The following GABRG2 variants were observed in gnomAD, a reference collection of about 807,000 sequenced individuals.
GABRG2 encodes the protein gamma-aminobutyric acid receptor subunit gamma-2.
In GABRG2, 16 loss-of-function variants were observed where a neutral mutation model predicts 56.4. The observed-to-expected ratio is 0.28, with a 90% CI of 0.19 to 0.43. GABRG2 has a LOEUF of 0.43. Ranked by LOEUF, GABRG2 falls within the 20% of genes least tolerant of loss-of-function variation. The pLI is 1.00. For synonymous variants in GABRG2, 208 were observed against 205.5 expected, an observed-to-expected ratio of 1.01 and a Z score of -0.10; for missense variants, 327 against 582.7, an observed-to-expected ratio of 0.56 and a Z score of 4.52.
At chr5:162,079,992 T>G (rs990756703) in intron 1 of GABRG2, among the ~76,000 whole-genome samples, 15 of 152,166 alleles carry the variant, frequency 9.9e-5, no homozygotes, top group African/African-American at 3.6e-4. Flanking sequence ...CTGTTCATTT[T>G]TCCCCTGAAA....
chr5:162,144,443 G>A (rs1022527260), intron 7 of GABRG2, among the ~76,000 whole-genome samples: 6 of 152,188 alleles, frequency 3.9e-5, no homozygotes, highest in Non-Finnish European at 8.8e-5. Flanking sequence ...GGTGGAAGAA[G>A]GGATCAAAGT....
At position 162,093,852 on chromosome 5, in the gene GABRG2, T is replaced by A; in HGVS notation, c.132T>A (p.Asp44Glu). 1.2e-5 allele frequency: 20 copies of A among 1,613,192 alleles called. No individual in the cohort carries two copies. Among genetic ancestry groups the A allele is most frequent in the Non-Finnish European group, 1.7e-5 (20 of 1,179,440 alleles). The stretch of plus-strand genomic sequence containing the variant: ...GCTTCACTAGCCAGAAATCTGATGA[T>A]GACTATGAAGATTATGCTTCTAACA... Reference protein sequence around the residue: ...YPGFTSQKSDDDYEDYASNKT... With the variant: ...YPGFTSQKSDEDYEDYASNKT... The change falls in exon 2 of 10, where the codon GAT (aspartate) becomes GAA (glutamate). Residue 44 changes from aspartate (D) to glutamate (E), a missense_variant. Physicochemically the swap from Asp to Glu is conservative, Grantham distance 45. Around this residue, in one of 4 missense-constraint regions of GABRG2, gnomAD observed 73 missense variants for 72.2 expected, o/e 1.01. Coordinates refer to ENST00000639213, the MANE Select transcript of GABRG2 (RefSeq NM_198904.4).
In GABRG2 at chr5:162,153,753, G is replaced by T. The variant is rs185169107; in HGVS notation, c.*385G>T. On this transcript the variant is annotated 3_prime_UTR_variant, in exon 10 of 10. Transcript: ENST00000639213. Reference sequence around the variant, plus strand: ...CAAAACTGTACCCTATGTTCACTCCGGGTCAAGTTGTGATAAATTTGATCC... The same window carrying T: ...CAAAACTGTACCCTATGTTCACTCCTGGTCAAGTTGTGATAAATTTGATCC... The T allele has an allele frequency of 8.5e-6, 2 of 235,440 alleles. No individual in the cohort carries two copies. Among genetic ancestry groups the T allele is most frequent in the East Asian group, 1.0e-4 (1 of 9,980 alleles). The allele number at this position is 235,440 out of a possible 1,614,324, so 14.6% of individuals were successfully genotyped here.
chr5:162,108,103 C>G (rs1270827803), intron 6 of GABRG2, among the ~76,000 whole-genome samples: 3 of 152,184 alleles, frequency 2.0e-5, no homozygotes, highest in Admixed American at 6.5e-5. Flanking sequence ...CAGATGGTAT[C>G]ACTGCAGATG....
At chr5:162,134,281 T>C (rs1379305760) in intron 6 of GABRG2, among the ~76,000 whole-genome samples, 1 of 152,124 alleles carries the variant, frequency 6.6e-6, no homozygotes, top group Non-Finnish European at 1.5e-5. Context: ...GAGGATAGAA[T>C]TGGTTGGTAT....
chr5:162,073,104 A>G (rs1238282756), intron 1 of GABRG2, among the ~76,000 whole-genome samples: 1 of 151,936 alleles, frequency 6.6e-6, no homozygotes, highest in Non-Finnish European at 1.5e-5. Flanking sequence ...TACAACAGAT[A>G]CTTTACATCC....
intron 4 of GABRG2, chr5:162,100,167 T>C (rs1255611590): frequency 2.0e-5 from 3 of 152,094 alleles, no homozygotes; most frequent in African/African-American, 4.8e-5. Context: ...ACTTATTAAA[T>C]GAGGAAGCAA....
chr5:162,124,239 T>C (rs920719633), intron 6 of GABRG2, among the ~76,000 whole-genome samples: 6 of 151,920 alleles, frequency 3.9e-5, no homozygotes, highest in Non-Finnish European at 5.9e-5. Context: ...AAGAGTCCAA[T>C]TGGCAACACC....
chr5:162,132,027 G>A (rs1405601859), intron 6 of GABRG2, among the ~76,000 whole-genome samples: 1 of 151,602 alleles, frequency 6.6e-6, no homozygotes, highest in Non-Finnish European at 1.5e-5. Context: ...AAAAATGGTG[G>A]TAATTACAAC....
At position 162,111,514 on chromosome 5, in the gene GABRG2, G is replaced by A. The variant is rs561350240; in HGVS notation, c.769+7488G>A. Among the ~76,000 whole-genome samples the A allele has an allele frequency of 1.9e-3, 290 of 152,186 alleles. 2 individuals carry two copies. The highest frequency in any genetic ancestry group is 6.8e-3 in the African/African-American group (282 of 41,552). On this transcript the variant is annotated intron_variant, in intron 6 of 9. Transcript: ENST00000639213. Reference sequence around the variant, plus strand: ...ATGTCATTTCTGCTTATGTTCCATTGGCGAGAACTAGTTGCATATTCCCAT... The same window carrying A: ...ATGTCATTTCTGCTTATGTTCCATTAGCGAGAACTAGTTGCATATTCCCAT...
At chr5:162,133,040 G>A (rs537256810) in intron 6 of GABRG2, among the ~76,000 whole-genome samples, 5 of 151,922 alleles carry the variant, frequency 3.3e-5, no homozygotes, top group Non-Finnish European at 7.4e-5. Flanking sequence ...GTGGGTGACT[G>A]TAATAGTGTA....
chr5:162,127,316 T>A (rs1035899003), intron 6 of GABRG2, among the ~76,000 whole-genome samples: 1 of 151,932 alleles, frequency 6.6e-6, no homozygotes, highest in Admixed American at 6.6e-5. Context: ...TTCCCCAAAA[T>A]TAAAAGTATG....
chr5:162,155,259 A>G lies in GABRG2; in HGVS notation c.*1891A>G, dbSNP rs949068324. 3.9e-5 allele frequency: 6 copies of G among 152,504 alleles called. No individual in the cohort carries two copies. The highest frequency in any genetic ancestry group is 6.6e-5 in the Admixed American group (1 of 15,232). 9.4% of individuals were successfully genotyped at this position (152,504 alleles called of 1,614,324 possible). A position where few individuals can be genotyped will look rare whatever the true frequency, so the allele number is the denominator to read the frequency against. ...ATTATTTTCTTGTTTTGAATTGTCAATATATTAAATGTTGACTCTTTGGGA... is the reference window on the plus strand; with the variant it reads ...ATTATTTTCTTGTTTTGAATTGTCAGTATATTAAATGTTGACTCTTTGGGA... On this transcript the variant is annotated 3_prime_UTR_variant, in exon 10 of 10. Coordinates refer to ENST00000639213, the MANE Select transcript of GABRG2 (RefSeq NM_198904.4).
chr5:162,087,876 C>A (rs1353771479), intron 1 of GABRG2, among the ~76,000 whole-genome samples: 1 of 152,064 alleles, frequency 6.6e-6, no homozygotes. Context: ...AACTAAGTGT[C>A]TGTTAATTGA....
chr5:162,106,842 T>C (rs1413168865), intron 6 of GABRG2, among the ~76,000 whole-genome samples: 1 of 152,154 alleles, frequency 6.6e-6, no homozygotes, highest in Non-Finnish European at 1.5e-5. Flanking sequence ...GCGTAATGAA[T>C]TTTATTATTT....
intron 1 of GABRG2, among the ~76,000 whole-genome samples, chr5:162,078,827 G>T (rs888342239): frequency 6.6e-6 from 1 of 151,820 alleles, no homozygotes; most frequent in African/African-American, 2.4e-5. Context: ...AAAAAGTGAG[G>T]TCATACATGG....
chr5:162,112,551 A>G (rs1440123633), intron 6 of GABRG2, among the ~76,000 whole-genome samples: 1 of 152,196 alleles, frequency 6.6e-6, no homozygotes, highest in African/African-American at 2.4e-5. Flanking sequence ...TTGCAGTTTC[A>G]GAAAATAATG....
intron 6 of GABRG2, among the ~76,000 whole-genome samples, chr5:162,104,762 A>ATTTAT (rs10644742): frequency 0.59 from 89,449 of 151,448 alleles, 26,615 homozygotes; most frequent in African/African-American, 0.66. Context: ...AGGAATTGAG[A>ATTTAT]TTTAAGACAA....
intron 6 of GABRG2, among the ~76,000 whole-genome samples, chr5:162,127,242 T>G (rs1327728005): frequency 6.6e-6 from 1 of 151,944 alleles, no homozygotes; most frequent in African/African-American, 2.4e-5. Context: ...ATAAATGTAG[T>G]TTTTTTCATG....
Sources: gnomAD v4.1 joint callset for allele counts (sites outside exome capture counted in the v4.1 genomes callset) on GRCh38, gnomAD v4.1.1 for gene constraint, gnomAD v4.1.1 regional missense constraint, MANE v1.5 for transcripts, NCBI Gene and HGNC (gene_info 2026-07-23, HGNC 2026-07-21) for gene names.